The following NRXN3 variants were observed in gnomAD, a reference collection of about 807,000 sequenced individuals.
The protein encoded by NRXN3 is neurexin III.
Under a neutral mutation model 137.6 loss-of-function variants are expected in NRXN3, and 32 were observed. That is an observed-to-expected ratio of 0.23 (90% confidence interval 0.18 to 0.31). NRXN3 has a LOEUF of 0.31. NRXN3 is among the 10% of genes least tolerant of loss of function. The probability of loss-of-function intolerance (pLI) is 1.00; values close to 1 mark genes in which losing one functional copy is unlikely to be tolerated. For synonymous variants in NRXN3, 798 were observed against 784.5 expected (o/e 1.02, Z -0.29); for missense variants, 1,574 against 2,062.5 (o/e 0.76, Z 4.59).
At chr14:79,808,639 T>C (rs2099219794) in intron 20 of NRXN3, among the ~76,000 whole-genome samples, 1 of 152,164 alleles carries the variant, frequency 6.6e-6, no homozygotes. Flanking sequence ...TTTATTATTT[T>C]CTAGCTGTCT....
rs768488725 is a variant in NRXN3, at chr14:78,645,340, T to G, written c.978T>G (p.Phe326Leu). 1.3e-6 allele frequency: 2 copies of G among 1,598,786 alleles called. No individual in the cohort carries two copies. Among genetic ancestry groups the G allele is most frequent in the Non-Finnish European group, 1.7e-6 (2 of 1,179,642 alleles). Residue 326 changes from phenylalanine (F) to leucine (L), a missense_variant, in exon 5 of 21, where the codon TTT (phenylalanine) becomes TTG (leucine). Phe to Leu is a conservative substitution (Grantham distance 22). This residue lies in a region of NRXN3 where 400 missense variants were observed against 527.3 expected (regional missense o/e 0.76). Transcript: ENST00000335750. ...SLVINLGSGA[F>L]EAIVEPVNGK... The stretch of plus-strand genomic sequence containing the variant: ...TCATTAACCTGGGGTCCGGGGCCTT[T>G]GAGGCCATTGTGGAGCCAGTGAATG...
At chr14:79,800,215 G>T (rs920490348) in intron 19 of NRXN3, among the ~76,000 whole-genome samples, 1 of 152,150 alleles carries the variant, frequency 6.6e-6, no homozygotes, top group South Asian at 2.1e-4. Flanking sequence ...GACATTGAAC[G>T]CAACTTGATA....
intron 20 of NRXN3, among the ~76,000 whole-genome samples, chr14:79,849,617 G>T (rs145153843): frequency 8.6e-4 from 131 of 152,300 alleles, no homozygotes; most frequent in African/African-American, 2.8e-3. Flanking sequence ...ATGTGTCGAT[G>T]AGAGTGTGGA....
intron 16 of NRXN3, among the ~76,000 whole-genome samples, chr14:79,574,522 C>T (rs1375676123): frequency 6.6e-6 from 1 of 152,104 alleles, no homozygotes; most frequent in East Asian, 1.9e-4. Flanking sequence ...TAATGCAAAT[C>T]ATTATTGTAT....
intron 16 of NRXN3, among the ~76,000 whole-genome samples, chr14:79,644,265 A>G (rs1305009428): frequency 1.5e-5 from 2 of 136,048 alleles, no homozygotes; most frequent in Non-Finnish European, 3.4e-5. Context: ...TTTTATCTCT[A>G]TAAGTATTCT....
chr14:79,599,766 G>A (rs112297673), intron 16 of NRXN3, among the ~76,000 whole-genome samples: 10 of 152,220 alleles, frequency 6.6e-5, no homozygotes, highest in South Asian at 2.1e-4. Flanking sequence ...AGGCTGAGGC[G>A]GGCAGATCAC....
intron 4 of NRXN3, among the ~76,000 whole-genome samples, chr14:78,625,284 C>T (rs1175373536): frequency 6.6e-6 from 1 of 152,172 alleles, no homozygotes; most frequent in Admixed American, 6.5e-5. Context: ...TAAGATTTAT[C>T]CATGATAGAG....
chr14:79,332,033 G>A (rs370018346), intron 15 of NRXN3, among the ~76,000 whole-genome samples: 2 of 152,122 alleles, frequency 1.3e-5, no homozygotes, highest in African/African-American at 4.8e-5. Context: ...AATTTGGCAC[G>A]GTTTTTGTTT....
chr14:78,727,881 G>A (rs1164952972), intron 8 of NRXN3, among the ~76,000 whole-genome samples: 2 of 152,112 alleles, frequency 1.3e-5, no homozygotes, highest in African/African-American at 2.4e-5. Flanking sequence ...AACATCTTAG[G>A]GTACCACTAG....
intron 4 of NRXN3, among the ~76,000 whole-genome samples, chr14:78,392,026 C>A: frequency 6.6e-6 from 1 of 151,728 alleles, no homozygotes; most frequent in South Asian, 2.1e-4. Context: ...ATGAAGTAAC[C>A]AAGAGAAAGG....
chr14:78,853,983 AGAGAG>A (rs2099049959), intron 10 of NRXN3, among the ~76,000 whole-genome samples: 1 of 152,192 alleles, frequency 6.6e-6, no homozygotes, highest in African/African-American at 2.4e-5. Context: ...GCTGTGGGTA[AGAGAG>A]GTATTTGCTC....
chr14:78,660,255 A>T (rs2097826957), intron 6 of NRXN3, among the ~76,000 whole-genome samples: 6 of 145,416 alleles, frequency 4.1e-5, no homozygotes, highest in South Asian at 2.2e-4. Flanking sequence ...AAGTAGATTT[A>T]TATATATATA....
At chr14:79,552,956 A>G (rs1466861749) in intron 16 of NRXN3, among the ~76,000 whole-genome samples, 1 of 141,130 alleles carries the variant, frequency 7.1e-6, no homozygotes, top group Non-Finnish European at 1.6e-5. Context: ...TGTAGATTTC[A>G]GGGAGCGGTC....
At chr14:79,013,869 A>G (rs1261080968) in intron 15 of NRXN3, among the ~76,000 whole-genome samples, 4 of 152,204 alleles carry the variant, frequency 2.6e-5, no homozygotes, top group South Asian at 2.1e-4. Context: ...TTCCTGTTGC[A>G]TGGTAAGTGC....
At chr14:79,110,761 A>T (rs1004970330) in intron 15 of NRXN3, among the ~76,000 whole-genome samples, 3 of 92,118 alleles carry the variant, frequency 3.3e-5, no homozygotes, top group African/African-American at 4.4e-5. Context: ...AGAAATTATT[A>T]TTTTATTTAT....
chr14:79,137,583 T>C (rs959463100), intron 15 of NRXN3, among the ~76,000 whole-genome samples: 2 of 152,196 alleles, frequency 1.3e-5, no homozygotes, highest in Non-Finnish European at 2.9e-5. Context: ...AATAAAATAA[T>C]TCAGATTCCT....
intron 1 of NRXN3, among the ~76,000 whole-genome samples, chr14:78,183,863 T>G (rs1175009810): frequency 6.6e-6 from 1 of 152,084 alleles, no homozygotes; most frequent in Non-Finnish European, 1.5e-5. Context: ...GAAATCAAGA[T>G]AGAAAAGGGA....
In NRXN3 at chr14:79,512,620, G is replaced by A. The variant is rs931667718; in HGVS notation, c.3444+45218G>A. Among the ~76,000 whole-genome samples the A allele has an allele frequency of 1.2e-4, 18 of 152,264 alleles. No homozygotes were observed. The South Asian group carries it at 2.7e-3, about 23-fold the overall frequency. On this transcript the variant is annotated intron_variant, in intron 16 of 20. Transcript: ENST00000335750. ...GTAACAATGCTGTTCATGGTGAAAC[G>A]TATTGATTTTAAGATTGAGAAATTG...
At chr14:78,376,134 G>C (rs1354483104) in intron 4 of NRXN3, among the ~76,000 whole-genome samples, 1 of 152,038 alleles carries the variant, frequency 6.6e-6, no homozygotes, top group Admixed American at 6.6e-5. Flanking sequence ...AATTAAAGTA[G>C]CAGGACTAAA....
Sources: gnomAD v4.1 joint callset for allele counts (sites outside exome capture counted in the v4.1 genomes callset) on GRCh38, gnomAD v4.1.1 for gene constraint, gnomAD v4.1.1 regional missense constraint, MANE v1.5 for transcripts, NCBI Gene and HGNC (gene_info 2026-07-23, HGNC 2026-07-21) for gene names.